The following GUCY2F variants were observed in gnomAD, a reference collection of about 807,000 sequenced individuals.
The protein encoded by GUCY2F is retinal guanylyl cyclase 2.
A neutral mutation model predicts 73.1 loss-of-function variants in GUCY2F; 61 were observed. The observed-to-expected ratio is 0.83, with a 90% CI of 0.68 to 1.03. GUCY2F has a LOEUF of 1.03. GUCY2F is among the 50% of genes least tolerant of loss of function. The probability of loss-of-function intolerance (pLI) is 0.00; values close to 1 mark genes in which losing one functional copy is unlikely to be tolerated. For missense variants in GUCY2F, 912 were observed against 854.3 expected (o/e 1.07, Z -0.84); for synonymous variants, 331 against 307.8 (o/e 1.08, Z -0.79).
rs1931724590 is a variant in GUCY2F, at chrX:109,435,635, AT to A, written c.1702-5240del. Among the ~76,000 whole-genome samples the A allele has an allele frequency of 2.7e-5, 3 of 109,572 alleles. No individual in the cohort carries two copies. The South Asian group carries it at 1.2e-3, about 43-fold the overall frequency. ...ACCCTTTATTTCCTTCTCCTGCCTG[AT>A]TGCCCTGGCCAGAACTTCCAACACT... On this transcript the variant is annotated intron_variant, in intron 7 of 19. Coordinates refer to ENST00000218006, the MANE Select transcript of GUCY2F (RefSeq NM_001522.3).
chrX:109,428,141 T>C (rs1931529355), intron 8 of GUCY2F, among the ~76,000 whole-genome samples: 1 of 112,219 alleles, frequency 8.9e-6, no homozygotes. Flanking sequence ...GATGTCAAAA[T>C]TATTGGGTAA....
intron 17 of GUCY2F, among the ~76,000 whole-genome samples, chrX:109,379,818 T>G (rs1473613039): frequency 8.9e-6 from 1 of 112,458 alleles, no homozygotes; most frequent in African/African-American, 3.2e-5. Context: ...GATAATTTGT[T>G]GCCTGTATAG....
In GUCY2F at chrX:109,385,301, T is replaced by TACTGGGCAAGGTGCTGTCTACA; in HGVS notation, c.2957-20_2957-19insTGTAGACAGCACCTTGCCCAGT. The stretch of plus-strand genomic sequence containing the variant: ...ACCGGCCCTATAGAGTATCAGGGGG[T>TACTGGGCAAGGTGCTGTCTACA]TGGAATTACAGTCAACAGGTATGCA... On this transcript the variant is annotated intron_variant, in intron 15 of 19. Coordinates refer to ENST00000218006, the MANE Select transcript of GUCY2F (RefSeq NM_001522.3). 1 of 926,169 alleles carries TACTGGGCAAGGTGCTGTCTACA rather than the reference T, an allele frequency of 1.1e-6. No homozygotes were observed. Among genetic ancestry groups the TACTGGGCAAGGTGCTGTCTACA allele is most frequent in the Non-Finnish European group, 1.6e-6 (1 of 643,972 alleles). 76.3% of individuals were successfully genotyped at this position (926,169 alleles called of 1,213,427 possible).
At chrX:109,469,648 C>G (rs773300820) in intron 2 of GUCY2F, among the ~76,000 whole-genome samples, 39 of 111,067 alleles carry the variant, frequency 3.5e-4, no homozygotes, top group Non-Finnish European at 4.0e-4. Flanking sequence ...GGAGGGGAGG[C>G]AGACCAGAGG....
At chrX:109,472,562 C>T (rs1488575970) in intron 2 of GUCY2F, among the ~76,000 whole-genome samples, 1 of 112,005 alleles carries the variant, frequency 8.9e-6, no homozygotes, top group Non-Finnish European at 1.9e-5. Context: ...AGCCTCAGTC[C>T]CAGCAGTTGA....
chrX:109,432,043 C>T (rs1931629060), intron 7 of GUCY2F, among the ~76,000 whole-genome samples: 2 of 111,657 alleles, frequency 1.8e-5, no homozygotes, highest in South Asian at 7.5e-4. Context: ...CAAGTGTGGT[C>T]CCTGGACCAG....
chrX:109,432,017 T>C lies in GUCY2F; in HGVS notation c.1702-1621A>G, dbSNP rs1487605963. ...CCTGCAGCAGAATGGTCAAAGCATTTGATCCAGTAAATCTCCAAGTGTGGT... is the reference window on the plus strand; with the variant it reads ...CCTGCAGCAGAATGGTCAAAGCATTCGATCCAGTAAATCTCCAAGTGTGGT... On this transcript the variant is annotated intron_variant, in intron 7 of 19. Coordinates refer to ENST00000218006, the MANE Select transcript of GUCY2F (RefSeq NM_001522.3). Among the ~76,000 whole-genome samples the C allele has an allele frequency of 3.6e-5, 4 of 111,520 alleles. 1 individual carries two copies. The highest frequency in any genetic ancestry group is 1.9e-4 in the Admixed American group (2 of 10,550).
intron 6 of GUCY2F, 144 bp from the exon 7 acceptor site, chrX:109,441,626 C>A: frequency 2.6e-6 from 1 of 390,663 alleles, no homozygotes; most frequent in Non-Finnish European, 4.2e-6. Context: ...TTTTCCCTAT[C>A]CTTCTGAACT....
At chrX:109,402,729 G>A (rs973266575) in intron 10 of GUCY2F, among the ~76,000 whole-genome samples, 13 of 111,732 alleles carry the variant, frequency 1.2e-4, no homozygotes, top group Non-Finnish European at 2.3e-4. Flanking sequence ...TGAATTTGAA[G>A]TCCTAGAACT....
chrX:109,385,266 TC>T lies in GUCY2F; in HGVS notation c.2972del (p.Gly991GlufsTer17). ...IGLHSGPVVAGVVGLTMPRYC... is the reference protein window; with the variant it reads ...IGLHSGPVVAXVVGLTMPRYC... ...ATCTGGGCATGGTGAGGCCCACCAC[TC>T]CAGCAACAACCGGCCCTATAGAGTA... On this transcript the variant is annotated frameshift_variant, in exon 16 of 20. Coordinates refer to ENST00000218006, the MANE Select transcript of GUCY2F (RefSeq NM_001522.3). LOFTEE classifies it high-confidence loss of function. The T allele has an allele frequency of 8.6e-7, 1 of 1,168,175 alleles. No homozygotes were observed. The highest frequency in any genetic ancestry group is 1.2e-6 in the Non-Finnish European group (1 of 857,561).
At chrX:109,473,352 G>A (rs908610490) in intron 2 of GUCY2F, among the ~76,000 whole-genome samples, 1 of 111,668 alleles carries the variant, frequency 9.0e-6, no homozygotes, top group Non-Finnish European at 1.9e-5. Context: ...ACTAAGCGAA[G>A]TCATATTAAA....
chrX:109,471,162 C>A (rs1369808816), intron 2 of GUCY2F, among the ~76,000 whole-genome samples: 1 of 111,843 alleles, frequency 8.9e-6, no homozygotes. Context: ...AAGGCTATTC[C>A]AATGGTGTCA....
intron 8 of GUCY2F, among the ~76,000 whole-genome samples, chrX:109,429,069 G>A (rs1213449225): frequency 8.9e-6 from 1 of 111,878 alleles, no homozygotes; most frequent in Non-Finnish European, 1.9e-5. Context: ...CTGGACTCAT[G>A]TCTCATTATC....
At chrX:109,414,685 T>C (rs752045473) in intron 8 of GUCY2F, among the ~76,000 whole-genome samples, 3 of 112,119 alleles carry the variant, frequency 2.7e-5, no homozygotes, top group South Asian at 7.4e-4. Flanking sequence ...GTATGTATAA[T>C]TGGGGCTTTG....
chrX:109,401,789 C>A (rs1454806630), intron 10 of GUCY2F, among the ~76,000 whole-genome samples: 2 of 110,655 alleles, frequency 1.8e-5, no homozygotes, highest in Non-Finnish European at 3.8e-5. Context: ...TAAGTTGAAC[C>A]CTGAAGAAAT....
At chrX:109,379,755 C>G (rs1291311395) in intron 17 of GUCY2F, among the ~76,000 whole-genome samples, 3 of 112,579 alleles carry the variant, frequency 2.7e-5, no homozygotes, top group Non-Finnish European at 5.6e-5. Context: ...TGATTTATCA[C>G]TAGCCCACAA....
intron 16 of GUCY2F, among the ~76,000 whole-genome samples, chrX:109,382,654 T>A (rs1201458188): frequency 8.9e-6 from 1 of 112,152 alleles, no homozygotes; most frequent in East Asian, 2.8e-4. Context: ...TTCTTACAAC[T>A]CTCTCTCAAC....
intron 17 of GUCY2F, among the ~76,000 whole-genome samples, chrX:109,381,413 T>A (rs969160193): frequency 8.9e-6 from 1 of 112,000 alleles, no homozygotes; most frequent in African/African-American, 3.3e-5. Context: ...GGTTTTCATC[T>A]GAAAATGAGG....
Position 109,475,480 on chromosome X carries a change from T to A in GUCY2F, c.457A>T (p.Asn153Tyr). 8.3e-7 allele frequency: 1 copy of A among 1,211,105 alleles called. No individual in the cohort carries two copies. Among genetic ancestry groups the A allele is most frequent in the South Asian group, 1.8e-5 (1 of 56,961 alleles). ...DKGIFSWACVNYELDNKISYP... is the reference protein window; with the variant it reads ...DKGIFSWACVYYELDNKISYP... ...CTAATTTTATTGTCTAATTCATAAT[T>A]CACACAAGCCCAAGAGAAAATTCCT... Residue 153 changes from asparagine (N) to tyrosine (Y), a missense_variant, in exon 2 of 20, where the codon AAT (asparagine) becomes TAT (tyrosine). Coordinates refer to ENST00000218006, the MANE Select transcript of GUCY2F (RefSeq NM_001522.3).
Sources: gnomAD v4.1 joint callset for allele counts (sites outside exome capture counted in the v4.1 genomes callset) on GRCh38, gnomAD v4.1.1 for gene constraint, MANE v1.5 for transcripts, NCBI Gene and HGNC (gene_info 2026-07-23, HGNC 2026-07-21) for gene names.